Variants in LRRC4C observed in about 807,000 individuals in gnomAD.
The protein encoded by LRRC4C is leucine-rich repeat-containing protein 4C.
LRRC4C carries 5 observed loss-of-function variants against 33.6 expected under a neutral mutation model. That is an observed-to-expected ratio of 0.15 (90% CI 0.08 to 0.31). The LOEUF is 0.31. LRRC4C is among the 10% of genes least tolerant of loss of function. The pLI is 1.00. For synonymous variants in LRRC4C, 329 were observed against 302.0 expected, an observed-to-expected ratio of 1.09 and a Z score of -0.93; for missense variants, 560 against 796.7, an observed-to-expected ratio of 0.70 and a Z score of 3.58.
chr11:41,238,377 T>C (rs1363916600), intron 1 of LRRC4C, among the ~76,000 whole-genome samples: 2 of 152,122 alleles, frequency 1.3e-5, no homozygotes, highest in Non-Finnish European at 2.9e-5. Flanking sequence ...TTAATAATAA[T>C]TAAAATAACA....
intron 1 of LRRC4C, among the ~76,000 whole-genome samples, chr11:41,064,192 C>T (rs1329464301): frequency 2.6e-5 from 4 of 152,158 alleles, no homozygotes; most frequent in Non-Finnish European, 5.9e-5. Flanking sequence ...AATGTAGTTG[C>T]AGTTATGCAT....
At chr11:40,513,920 C>T (rs1422065061) in intron 3 of LRRC4C, among the ~76,000 whole-genome samples, 1 of 152,106 alleles carries the variant, frequency 6.6e-6, no homozygotes, top group Non-Finnish European at 1.5e-5. Context: ...TAAAGTATAT[C>T]TTAAAAGGCA....
At chr11:40,254,257 T>C (rs756279929) in intron 4 of LRRC4C, among the ~76,000 whole-genome samples, 4 of 152,232 alleles carry the variant, frequency 2.6e-5, no homozygotes, top group Admixed American at 1.3e-4. Flanking sequence ...AATACCATGT[T>C]AGCCATTCAC....
intron 1 of LRRC4C, among the ~76,000 whole-genome samples, chr11:41,294,598 G>T (rs1392829347): frequency 6.6e-6 from 1 of 152,166 alleles, no homozygotes; most frequent in African/African-American, 2.4e-5. Flanking sequence ...TAAGAGGTAA[G>T]ATTTACTCTA....
chr11:40,395,322 G>A (rs1365571489), intron 3 of LRRC4C, among the ~76,000 whole-genome samples: 1 of 152,082 alleles, frequency 6.6e-6, no homozygotes, highest in Non-Finnish European at 1.5e-5. Context: ...GAGAGATCCT[G>A]TGAAGCGTAA....
At chr11:41,260,820 G>A (rs1467511980) in intron 1 of LRRC4C, among the ~76,000 whole-genome samples, 1 of 151,922 alleles carries the variant, frequency 6.6e-6, no homozygotes, top group Non-Finnish European at 1.5e-5. Flanking sequence ...CACAGAACTT[G>A]CTATTCTCCA....
At position 40,918,048 on chromosome 11, in the gene LRRC4C, T is replaced by G. The variant is rs7935443; in HGVS notation, c.-407+15587A>C. ...CCATGATCACAGAAGTAACTCAATATCAGTATGTTGAATAGGTAAAGATCA... is the reference window on the plus strand; with the variant it reads ...CCATGATCACAGAAGTAACTCAATAGCAGTATGTTGAATAGGTAAAGATCA... On this transcript the variant is annotated intron_variant, in intron 2 of 6. Transcript: ENST00000528697. 5.1e-3 allele frequency among the ~76,000 whole-genome samples: 777 copies of G among 152,178 alleles called. 9 individuals carry two copies. The highest frequency in any genetic ancestry group is 0.018 in the African/African-American group (746 of 41,524).
chr11:41,013,721 G>A (rs554286651), intron 1 of LRRC4C, among the ~76,000 whole-genome samples: 4 of 152,206 alleles, frequency 2.6e-5, no homozygotes, highest in Non-Finnish European at 4.4e-5. Flanking sequence ...GTATTAGTCC[G>A]TTCTCACACT....
At chr11:40,551,841 C>T (rs1299740520) in intron 3 of LRRC4C, among the ~76,000 whole-genome samples, 1 of 152,094 alleles carries the variant, frequency 6.6e-6, no homozygotes, top group East Asian at 1.9e-4. Flanking sequence ...CTTAGTTAGA[C>T]CATGGTATCC....
At chr11:40,859,223 T>C (rs1953955846) in intron 2 of LRRC4C, among the ~76,000 whole-genome samples, 1 of 152,168 alleles carries the variant, frequency 6.6e-6, no homozygotes, top group East Asian at 1.9e-4. Flanking sequence ...GTCCAAGCCA[T>C]TAGTTTTTAA....
chr11:40,156,747 T>G (rs1858729948), intron 5 of LRRC4C, among the ~76,000 whole-genome samples: 1 of 151,680 alleles, frequency 6.6e-6, no homozygotes, highest in Non-Finnish European at 1.5e-5. Context: ...TACAAAACAC[T>G]GCTGAAAAAA....
intron 2 of LRRC4C, among the ~76,000 whole-genome samples, chr11:40,746,475 G>A (rs547717900): frequency 6.6e-5 from 10 of 152,180 alleles, no homozygotes; most frequent in East Asian, 1.9e-4. Context: ...GCAGAGGTGC[G>A]TGTAGAGTAC....
At position 40,114,787 on chromosome 11, in the gene LRRC4C, C is replaced by T. The variant is rs2134559879; in HGVS notation, c.1506G>A (p.Glu502=). ...SLTPQSTRST[E]KTFTIPVTDI... The stretch of plus-strand genomic sequence containing the variant: ...CAGTCACTGGGATGGTGAAGGTTTT[C>T]TCTGTCGACCTTGTGCTCTGTGGTG... Residue 502 remains glutamate (E), a synonymous_variant, in exon 7 of 7, where the codon GAG becomes GAA. Coordinates refer to ENST00000528697, the MANE Select transcript of LRRC4C (RefSeq NM_001258419.2). 1.2e-6 allele frequency: 2 copies of T among 1,614,146 alleles called. No individual in the cohort carries two copies. Among genetic ancestry groups the T allele is most frequent in the East Asian group, 2.2e-5 (1 of 44,866 alleles).
chr11:40,130,000 C>T (rs1856536278), intron 6 of LRRC4C, among the ~76,000 whole-genome samples: 1 of 152,062 alleles, frequency 6.6e-6, no homozygotes, highest in Admixed American at 6.6e-5. Flanking sequence ...AGGTTTCTGG[C>T]TGTTTATGAA....
chr11:40,259,381 A>G (rs1867494673), intron 4 of LRRC4C, among the ~76,000 whole-genome samples: 1 of 151,878 alleles, frequency 6.6e-6, no homozygotes, highest in African/African-American at 2.4e-5. Flanking sequence ...CTCTGATGGT[A>G]GTTTCTTTTG....
chr11:41,296,293 G>A (rs955252407), intron 1 of LRRC4C, among the ~76,000 whole-genome samples: 4 of 150,816 alleles, frequency 2.7e-5, no homozygotes, highest in African/African-American at 9.7e-5. Context: ...ATATGTTATT[G>A]CTGGTGACAA....
intron 3 of LRRC4C, among the ~76,000 whole-genome samples, chr11:40,580,134 G>A (rs1184210905): frequency 1.3e-5 from 2 of 149,842 alleles, no homozygotes; most frequent in East Asian, 4.0e-4. Context: ...TGTATTAGTC[G>A]GTTTTCACAC....
intron 2 of LRRC4C, among the ~76,000 whole-genome samples, chr11:40,835,670 GA>G (rs1443606885): frequency 2.6e-5 from 4 of 152,028 alleles, no homozygotes; most frequent in Admixed American, 2.6e-4. Context: ...TGACATATAT[GA>G]AAATTCTAGA....
chr11:40,339,590 T>C (rs1946775135), intron 3 of LRRC4C, among the ~76,000 whole-genome samples: 1 of 152,224 alleles, frequency 6.6e-6, no homozygotes, highest in African/African-American at 2.4e-5. Context: ...ATTTTAATTG[T>C]CCTGGTTGAA....
Sources: gnomAD v4.1 joint callset for allele counts (sites outside exome capture counted in the v4.1 genomes callset) on GRCh38, gnomAD v4.1.1 for gene constraint, MANE v1.5 for transcripts, NCBI Gene and HGNC (gene_info 2026-07-23, HGNC 2026-07-21) for gene names.